SPATA17: variants seen among roughly 807,000 people sequenced by gnomAD.
SPATA17 encodes spermatogenesis-associated protein 17.
A neutral mutation model predicts 62.2 loss-of-function variants in SPATA17; 53 were observed. The ratio of observed to expected loss-of-function variants is 0.85; its 90% CI spans 0.68 to 1.07. The LOEUF (loss-of-function observed/expected upper bound fraction) is 1.07. SPATA17 is among the 50% of genes least tolerant of loss of function. The pLI is 0.00. For synonymous variants in SPATA17, 146 were observed against 146.8 expected (o/e 0.99, Z 0.04); for missense variants, 466 against 425.5 (o/e 1.10, Z -0.84).
In SPATA17 at chr1:217,733,061, G is replaced by T. The variant is rs1170951408; in HGVS notation, c.396-8914G>T. 2.0e-5 allele frequency among the ~76,000 whole-genome samples: 3 copies of T among 151,994 alleles called. No homozygotes were observed. In the East Asian group the frequency reaches 5.8e-4, roughly 29 times the overall value. On this transcript the variant is annotated intron_variant, in intron 5 of 10. Transcript: ENST00000366933. The stretch of plus-strand genomic sequence containing the variant: ...AATGATCTTTGAATGGAGTCTTATT[G>T]CTTTTTATAATCATGCAAAGCAGGT...
chr1:217,657,686 C>G (rs887916068), intron 3 of SPATA17, among the ~76,000 whole-genome samples: 10 of 152,202 alleles, frequency 6.6e-5, no homozygotes, highest in African/African-American at 2.4e-4. Flanking sequence ...TGGTGTAGAA[C>G]AGTCATTTTA....
intron 4 of SPATA17, among the ~76,000 whole-genome samples, chr1:217,675,212 T>G (rs1490793575): frequency 6.6e-6 from 1 of 152,178 alleles, no homozygotes; most frequent in Non-Finnish European, 1.5e-5. Flanking sequence ...GAGATTACAG[T>G]GTGTCAGAGT....
At chr1:217,831,249 G>T (rs1317346768) in intron 9 of SPATA17, among the ~76,000 whole-genome samples, 1 of 152,024 alleles carries the variant, frequency 6.6e-6, no homozygotes, top group Non-Finnish European at 1.5e-5. Flanking sequence ...GTCTTACTTT[G>T]CCTACCTTCT....
At chr1:217,717,404 GT>G (rs1672029542) in intron 5 of SPATA17, among the ~76,000 whole-genome samples, 1 of 152,124 alleles carries the variant, frequency 6.6e-6, no homozygotes, top group Admixed American at 6.5e-5. Flanking sequence ...GAGGTCAGGA[GT>G]TCAAAACCAG....
chr1:217,733,762 C>T (rs1004628556), intron 5 of SPATA17, among the ~76,000 whole-genome samples: 1 of 152,090 alleles, frequency 6.6e-6, no homozygotes, highest in Non-Finnish European at 1.5e-5. Flanking sequence ...TGTAACTAAA[C>T]ATTTTCCTTT....
intron 6 of SPATA17, among the ~76,000 whole-genome samples, chr1:217,754,344 C>A (rs1278444588): frequency 2.0e-5 from 3 of 152,116 alleles, no homozygotes; most frequent in Non-Finnish European, 4.4e-5. Context: ...TTAGGTGGTT[C>A]CTTTTTTAAT....
intron 9 of SPATA17, among the ~76,000 whole-genome samples, chr1:217,803,429 A>T (rs1288586595): frequency 6.6e-6 from 1 of 152,224 alleles, no homozygotes. Flanking sequence ...ATACAAAATT[A>T]ACATACAAAT....
chr1:217,777,504 C>T (rs1290329500), intron 7 of SPATA17, among the ~76,000 whole-genome samples: 6 of 152,016 alleles, frequency 3.9e-5, no homozygotes, highest in African/African-American at 7.2e-5. Flanking sequence ...CTGGTTCAAG[C>T]GATTCTCCTG....
chr1:217,723,062 G>A (rs555018302), intron 5 of SPATA17, among the ~76,000 whole-genome samples: 1 of 152,146 alleles, frequency 6.6e-6, no homozygotes, highest in African/African-American at 2.4e-5. Flanking sequence ...GACCCAGGAC[G>A]TATTAGCATC....
intron 1 of SPATA17, among the ~76,000 whole-genome samples, chr1:217,648,170 T>A (rs1406876285): frequency 6.6e-6 from 1 of 152,234 alleles, no homozygotes; most frequent in Admixed American, 6.5e-5. Flanking sequence ...AGTAATCTTA[T>A]CATGGTGCCT....
At chr1:217,771,134 A>C (rs1673434740) in intron 6 of SPATA17, among the ~76,000 whole-genome samples, 1 of 151,718 alleles carries the variant, frequency 6.6e-6, no homozygotes, top group Non-Finnish European at 1.5e-5. Flanking sequence ...GTAAGAAGCT[A>C]TTAGCAGAGT....
intron 9 of SPATA17, among the ~76,000 whole-genome samples, chr1:217,814,730 T>G (rs1316584989): frequency 6.6e-6 from 1 of 152,082 alleles, no homozygotes; most frequent in Middle Eastern, 3.4e-3. Flanking sequence ...TGTCTGTAGT[T>G]CCAGCTACTT....
chr1:217,845,296 A>G (rs573633949), intron 9 of SPATA17, among the ~76,000 whole-genome samples: 2 of 152,176 alleles, frequency 1.3e-5, no homozygotes, highest in South Asian at 4.1e-4. Flanking sequence ...TAAGAGCACT[A>G]GATGCATTCA....
intron 9 of SPATA17, among the ~76,000 whole-genome samples, chr1:217,804,628 G>A (rs1674391730): frequency 6.6e-6 from 1 of 152,054 alleles, no homozygotes; most frequent in African/African-American, 2.4e-5. Context: ...AAAAAAATTT[G>A]CCAACCATAC....
intron 6 of SPATA17, among the ~76,000 whole-genome samples, chr1:217,749,111 A>C (rs61825787): frequency 0.033 from 5,020 of 152,186 alleles, 112 homozygotes; most frequent in Middle Eastern, 0.058. Flanking sequence ...GTATATTTGG[A>C]AAGTATCTTT....
At chr1:217,636,905 G>GT (rs1669954873) in intron 1 of SPATA17, among the ~76,000 whole-genome samples, 1 of 152,096 alleles carries the variant, frequency 6.6e-6, no homozygotes, top group African/African-American at 2.4e-5. Flanking sequence ...AAACACATAA[G>GT]TTTTTTAACA....
chr1:217,639,877 C>T (rs1202939779), intron 1 of SPATA17, among the ~76,000 whole-genome samples: 1 of 152,006 alleles, frequency 6.6e-6, no homozygotes. Context: ...CACCTTCTCA[C>T]GCATCCCCCA....
At chr1:217,667,048 C>CTTTTTTTT (rs1191694917) in intron 3 of SPATA17, among the ~76,000 whole-genome samples, 3 of 115,522 alleles carry the variant, frequency 2.6e-5, no homozygotes, top group Middle Eastern at 5.0e-3. Context: ...TTTTTTTTTT[C>CTTTTTTTT]TTTTTTTTTT....
At chr1:217,737,336 G>A (rs184871300) in intron 5 of SPATA17, among the ~76,000 whole-genome samples, 5 of 152,260 alleles carry the variant, frequency 3.3e-5, no homozygotes, top group Admixed American at 1.3e-4. Context: ...TGATACTTTG[G>A]GTGGCTCAAT....
Sources: gnomAD v4.1 joint callset for allele counts (sites outside exome capture counted in the v4.1 genomes callset) on GRCh38, gnomAD v4.1.1 for gene constraint, MANE v1.5 for transcripts, NCBI Gene and HGNC (gene_info 2026-07-23, HGNC 2026-07-21) for gene names.